Variants in CLTCL1 observed in about 807,000 individuals in gnomAD.
The protein encoded by CLTCL1 is clathrin heavy chain like 1.
A neutral mutation model predicts 190.0 loss-of-function variants in CLTCL1; 159 were observed. The observed-to-expected ratio is 0.84, with a 90% CI of 0.74 to 0.95. The LOEUF is 0.95. Among genes scored for constraint, CLTCL1 ranks in the 40% least tolerant of loss-of-function variants. CLTCL1 has a pLI of 0.00. For missense variants in CLTCL1, 1,878 were observed against 2,033.4 expected, an observed-to-expected ratio of 0.92 and a Z score of 1.47; for synonymous variants, 752 against 769.6, an observed-to-expected ratio of 0.98 and a Z score of 0.38.
intron 17 of CLTCL1, among the ~76,000 whole-genome samples, chr22:19,220,507 G>C (rs974237430): frequency 6.7e-4 from 102 of 152,356 alleles, no homozygotes; most frequent in African/African-American, 2.3e-3. Context: ...ACTGTAAACT[G>C]TGCTTTCACT....
chr22:19,275,739 C>T lies in CLTCL1; in HGVS notation c.134G>A (p.Gly45Asp), dbSNP rs782183378. ...DKFICIREKV[G>D]EQAQVTIIDM... ...AATGATCGTGACCTGTGCCTGCTCA[C>T]CAACTTTCTCTCGGATACATATGAA... is the stretch of plus-strand genomic sequence containing the variant. The change falls in exon 2 of 33, where the codon GGT becomes GAT. Residue 45 changes from glycine to aspartate, a missense_variant. Gly to Asp is a moderately conservative substitution (Grantham distance 94, BLOSUM62 -1). Transcript: ENST00000427926. The T allele has an allele frequency of 6.2e-7, 1 of 1,609,686 alleles. No homozygotes were observed. Among genetic ancestry groups the T allele is most frequent in the South Asian group, 1.1e-5 (1 of 89,850 alleles).
At chr22:19,252,134 CA>C (rs1410255616) in intron 3 of CLTCL1, among the ~76,000 whole-genome samples, 4 of 152,198 alleles carry the variant, frequency 2.6e-5, no homozygotes, top group Non-Finnish European at 4.4e-5. Flanking sequence ...GAACAGACTA[CA>C]TGGTTTTGTT....
chr22:19,259,997 C>T (rs939085109), intron 2 of CLTCL1, among the ~76,000 whole-genome samples: 5 of 152,158 alleles, frequency 3.3e-5, no homozygotes, highest in African/African-American at 1.2e-4. Flanking sequence ...AACAAACAGC[C>T]TTACTGCTGA....
intron 27 of CLTCL1, among the ~76,000 whole-genome samples, chr22:19,189,090 A>G (rs1193454206): frequency 3.2e-4 from 48 of 152,146 alleles, no homozygotes; most frequent in Admixed American, 2.7e-3. Context: ...TTTTTAGTAG[A>G]GACAGAGTTT....
intron 26 of CLTCL1, among the ~76,000 whole-genome samples, chr22:19,196,052 G>A (rs1406073814): frequency 2.6e-5 from 4 of 152,084 alleles, no homozygotes; most frequent in African/African-American, 4.8e-5. Flanking sequence ...GCTGTGCATC[G>A]CTAGACGGGT....
intron 30 of CLTCL1, 142 bp downstream of exon 30, chr22:19,183,248 A>G: frequency 1.5e-6 from 1 of 669,194 alleles, no homozygotes; most frequent in South Asian, 1.9e-5. Flanking sequence ...GAAAGCAGCC[A>G]CTCCTGAAGG....
chr22:19,232,571 G>A lies in CLTCL1; in HGVS notation c.1549C>T (p.Leu517=), dbSNP rs782059096. 3 of 1,613,596 alleles carry A rather than the reference G, an allele frequency of 1.9e-6. No homozygotes were observed. Among genetic ancestry groups the A allele is most frequent in the Non-Finnish European group, 2.5e-6 (3 of 1,179,730 alleles). ...CTGATCTTCATTACACCCCTCAGCA[G>A]AAAGATCCAGTCTGGGGTGTACCCA... ...KVGYTPDWIF[L]LRGVMKISPE... Residue 517 remains leucine, a synonymous_variant, in exon 10 of 33, where the codon CTG becomes TTG. Coordinates refer to ENST00000427926, the MANE Select transcript of CLTCL1 (RefSeq NM_007098.4).
At chr22:19,233,688 T>C (rs1388101527) in intron 7 of CLTCL1, 66 bp from the exon 8 acceptor site, 6 of 1,494,804 alleles carry the variant, frequency 4.0e-6, no homozygotes, top group Admixed American at 1.9e-5. Context: ...CTCAACTTCC[T>C]TGTATGTAAA....
At chr22:19,191,515 G>A in intron 26 of CLTCL1, 80 bp from the exon 27 acceptor site, 2 of 1,557,656 alleles carry the variant, frequency 1.3e-6, no homozygotes, top group Non-Finnish European at 1.7e-6. Context: ...TTGCTCAAAT[G>A]ACACTTTACT....
At chr22:19,183,174 G>A in intron 30 of CLTCL1, 1 of 544,668 alleles carries the variant, frequency 1.8e-6, no homozygotes, top group South Asian at 2.0e-5. Flanking sequence ...CTGCCAGTGG[G>A]CACTCCCCAT....
At chr22:19,229,726 TA>T in intron 11 of CLTCL1, 111 bp downstream of exon 11, 1 of 1,078,682 alleles carries the variant, frequency 9.3e-7, no homozygotes, top group Non-Finnish European at 1.2e-6. Context: ...AAGTACAAGA[TA>T]AACATCTGGC....
At chr22:19,274,747 G>A (rs1371673746) in intron 2 of CLTCL1, among the ~76,000 whole-genome samples, 1 of 84,754 alleles carries the variant, frequency 1.2e-5, no homozygotes, top group African/African-American at 4.8e-5. Context: ...TTTTTTTTTT[G>A]AGACCGATTT....
rs782692966 is a variant in CLTCL1 at position 19,257,785 on chromosome 22, A to C, written c.251-3558T>G. 2.1e-6 allele frequency: 3 copies of C among 1,423,484 alleles called. No individual in the cohort carries two copies. In the East Asian group the frequency reaches 1.1e-4, roughly 52 times the overall value. The allele number at this position is 1,423,484 out of a possible 1,614,324, so 88.2% of individuals were successfully genotyped here. A position where few individuals can be genotyped will look rare whatever the true frequency, so the allele number is the denominator to read the frequency against. On this transcript the variant is annotated intron_variant, in intron 2 of 32. Coordinates refer to ENST00000427926, the MANE Select transcript of CLTCL1 (RefSeq NM_007098.4). ...GAGAAGGAGACCATGCAAAGCCTGA[A>C]CGACCACCTGGCCTCCTACCTGGAC...
intron 1 of CLTCL1, among the ~76,000 whole-genome samples, chr22:19,287,708 G>A (rs1367141684): frequency 6.6e-6 from 1 of 152,130 alleles, no homozygotes; most frequent in Admixed American, 6.5e-5. Context: ...GTGGCAGAAC[G>A]ATGCCAAAAG....
At chr22:19,259,612 T>C (rs2086878903) in intron 2 of CLTCL1, among the ~76,000 whole-genome samples, 1 of 152,200 alleles carries the variant, frequency 6.6e-6, no homozygotes, top group African/African-American at 2.4e-5. Context: ...TTGTTTTGTG[T>C]CACCATGAAC....
At position 19,219,896 on chromosome 22, in the gene CLTCL1, GCTGTCTC is replaced by G. The variant is rs2085513205; in HGVS notation, c.2901_2907del (p.Arg967SerfsTer2). 6.2e-7 allele frequency: 1 copy of G among 1,613,944 alleles called. No homozygotes were observed. The highest frequency in any genetic ancestry group is 1.3e-5 in the African/African-American group (1 of 74,940). ...TCTCTGTGCCTCACCTGGTCAATTA[GCTGTCTC>G]CTGGATGGGTTGGTCTCCTCAAGGA... On this transcript the variant is annotated frameshift_variant, in exon 18 of 33. Coordinates refer to ENST00000427926, the MANE Select transcript of CLTCL1 (RefSeq NM_007098.4). LOFTEE classifies it high-confidence loss of function.
At chr22:19,191,892 CTG>C (rs1157934631) in intron 26 of CLTCL1, among the ~76,000 whole-genome samples, 2 of 152,144 alleles carry the variant, frequency 1.3e-5, no homozygotes, top group Non-Finnish European at 2.9e-5. Context: ...AGCTGAAACA[CTG>C]TGGTGCTCAG....
At chr22:19,272,369 G>T (rs189274890) in intron 2 of CLTCL1, among the ~76,000 whole-genome samples, 2 of 152,218 alleles carry the variant, frequency 1.3e-5, no homozygotes, top group Non-Finnish European at 2.9e-5. Context: ...GGGCAATGAC[G>T]TGGGCTGAGT....
Position 19,291,699 on chromosome 22 carries a change from T to G in CLTCL1, c.-58A>C. On this transcript the variant is annotated 5_prime_UTR_variant, in exon 1 of 33. Transcript: ENST00000427926. ...AGCGGCAGGAATGAACGCCGACCCC[T>G]CGCGCGGGCTGACCGGTGGCGACGG... 4 of 1,309,068 alleles carry G rather than the reference T, an allele frequency of 3.1e-6. No individual in the cohort carries two copies. The highest frequency in any genetic ancestry group is 3.2e-5 in the East Asian group (1 of 31,192). The allele number at this position is 1,309,068 out of a possible 1,614,324, so 81.1% of individuals were successfully genotyped here.
Sources: gnomAD v4.1 joint callset for allele counts (sites outside exome capture counted in the v4.1 genomes callset) on GRCh38, gnomAD v4.1.1 for gene constraint, MANE v1.5 for transcripts, NCBI Gene and HGNC (gene_info 2026-07-23, HGNC 2026-07-21) for gene names.